FCHSD2: variants seen among roughly 807,000 people sequenced by gnomAD.
FCHSD2 encodes the protein FCH and double SH3 domains 2.
FCHSD2 carries 38 observed loss-of-function variants against 108.1 expected under a neutral mutation model. That is an observed-to-expected ratio of 0.35 (90% CI 0.27 to 0.46). FCHSD2 has a LOEUF of 0.46. FCHSD2 is among the 20% of genes least tolerant of loss of function. The probability of loss-of-function intolerance (pLI) is 1.00; values close to 1 mark genes in which losing one functional copy is unlikely to be tolerated. For synonymous variants in FCHSD2, 279 were observed against 314.7 expected, an observed-to-expected ratio of 0.89 and a Z score of 1.20; for missense variants, 751 against 897.8, an observed-to-expected ratio of 0.84 and a Z score of 2.09.
At chr11:72,990,851 C>T (rs1385754074) in intron 5 of FCHSD2, among the ~76,000 whole-genome samples, 1 of 152,110 alleles carries the variant, frequency 6.6e-6, no homozygotes, top group African/African-American at 2.4e-5. Context: ...CAAGAAATAA[C>T]TAAGACCAGA....
At chr11:73,102,616 T>C (rs897337019) in intron 2 of FCHSD2, among the ~76,000 whole-genome samples, 1 of 152,226 alleles carries the variant, frequency 6.6e-6, no homozygotes, top group South Asian at 2.1e-4. Context: ...CTGAGACTTT[T>C]AAGAGATGAT....
At chr11:72,928,600 CTT>C (rs1856124878) in intron 8 of FCHSD2, among the ~76,000 whole-genome samples, 1 of 152,198 alleles carries the variant, frequency 6.6e-6, no homozygotes, top group African/African-American at 2.4e-5. Context: ...TCAACTAGCT[CTT>C]CCTTAGCGTT....
At chr11:72,989,793 T>C (rs770635912) in intron 5 of FCHSD2, among the ~76,000 whole-genome samples, 2 of 152,216 alleles carry the variant, frequency 1.3e-5, no homozygotes, top group African/African-American at 2.4e-5. Context: ...TTGACCCCAC[T>C]TTGAAACAAA....
intron 14 of FCHSD2, among the ~76,000 whole-genome samples, chr11:72,844,162 A>G (rs1215069106): frequency 6.6e-6 from 1 of 152,196 alleles, no homozygotes; most frequent in East Asian, 1.9e-4. Context: ...TGTGGGATGG[A>G]TAAGCACAGA....
intron 9 of FCHSD2, among the ~76,000 whole-genome samples, chr11:72,915,247 C>T (rs1236637121): frequency 2.0e-5 from 3 of 151,922 alleles, no homozygotes; most frequent in Non-Finnish European, 2.9e-5. Context: ...AAAAAAACAA[C>T]GGATGCTGGC....
chr11:72,935,033 C>G (rs1195210541), intron 8 of FCHSD2, among the ~76,000 whole-genome samples: 6 of 152,046 alleles, frequency 3.9e-5, no homozygotes, highest in Non-Finnish European at 8.8e-5. Context: ...ATTTTATCTA[C>G]TTGATCCTTA....
intron 5 of FCHSD2, among the ~76,000 whole-genome samples, chr11:72,994,878 T>C (rs1857492285): frequency 6.6e-6 from 1 of 152,204 alleles, no homozygotes; most frequent in Non-Finnish European, 1.5e-5. Flanking sequence ...ATTCACCTTT[T>C]TAAAGTATAC....
intron 2 of FCHSD2, among the ~76,000 whole-genome samples, chr11:73,089,326 C>T (rs532015360): frequency 6.6e-6 from 1 of 152,212 alleles, no homozygotes; most frequent in East Asian, 1.9e-4. Context: ...ACTCTCATAG[C>T]GTTAGTGGAA....
chr11:73,134,200 G>A lies in FCHSD2; in HGVS notation c.119+5831C>T, dbSNP rs188275736. Among the ~76,000 whole-genome samples, 272 of 152,174 alleles carry A rather than the reference G, an allele frequency of 1.8e-3. 2 individuals are homozygous for A. The highest frequency in any genetic ancestry group is 3.2e-3 in the Non-Finnish European group (216 of 68,004). On this transcript the variant is annotated intron_variant, in intron 2 of 19. Coordinates refer to ENST00000409418, the MANE Select transcript of FCHSD2 (RefSeq NM_014824.3). ...AAAAAAAGTCTCAGCACCATGCACA[G>A]TGGCTCATGCCTGTAACCCCAACAC...
intron 19 of FCHSD2, among the ~76,000 whole-genome samples, chr11:72,840,420 G>A (rs1860883815): frequency 6.6e-6 from 1 of 152,214 alleles, no homozygotes; most frequent in African/African-American, 2.4e-5. Context: ...GCAGATGGCA[G>A]TAGAGTGAAG....
intron 8 of FCHSD2, among the ~76,000 whole-genome samples, chr11:72,972,407 G>A (rs1018588364): frequency 3.3e-5 from 5 of 152,140 alleles, no homozygotes; most frequent in African/African-American, 1.2e-4. Context: ...ATATTTCAAG[G>A]TGCCCTAGTA....
chr11:72,960,001 TATTA>T (rs1323943779), intron 8 of FCHSD2, among the ~76,000 whole-genome samples: 1 of 152,162 alleles, frequency 6.6e-6, no homozygotes, highest in Non-Finnish European at 1.5e-5. Context: ...TTCAAACACA[TATTA>T]ATATAGGGTA....
chr11:72,933,717 A>G (rs1474609484), intron 8 of FCHSD2, among the ~76,000 whole-genome samples: 1 of 152,246 alleles, frequency 6.6e-6, no homozygotes, highest in African/African-American at 2.4e-5. Context: ...TCAATTAAAC[A>G]GATCTCAAAG....
chr11:72,892,906 TAA>T (rs1855346737), intron 10 of FCHSD2, among the ~76,000 whole-genome samples: 2 of 2,990 alleles, frequency 6.7e-4, no homozygotes, highest in Non-Finnish European at 9.3e-4. Context: ...GCGTGGCTGG[TAA>T]TTTTTTTTTT....
At chr11:73,141,515 G>T (rs557942678) in intron 1 of FCHSD2, among the ~76,000 whole-genome samples, 140 of 152,376 alleles carry the variant, frequency 9.2e-4, no homozygotes, top group Non-Finnish European at 1.4e-3. Flanking sequence ...CTGCAAAGCT[G>T]CAGGGGCGTC....
intron 12 of FCHSD2, among the ~76,000 whole-genome samples, chr11:72,887,238 C>T (rs1160960240): frequency 6.6e-6 from 1 of 152,020 alleles, no homozygotes; most frequent in African/African-American, 2.4e-5. Context: ...TTCATTGTGA[C>T]TTAAATCTTT....
chr11:72,841,376 T>A (rs1405673884), intron 18 of FCHSD2, 78 bp downstream of exon 18: 2 of 1,412,038 alleles, frequency 1.4e-6, no homozygotes, highest in Non-Finnish European at 1.9e-6. Context: ...CAAATGCAGT[T>A]TTTTTTTGCC....
intron 8 of FCHSD2, among the ~76,000 whole-genome samples, chr11:72,955,523 G>A (rs1856696224): frequency 6.6e-6 from 1 of 152,168 alleles, no homozygotes; most frequent in Non-Finnish European, 1.5e-5. Flanking sequence ...CCTCTCTGAA[G>A]TAGGTGGGTG....
At chr11:72,922,548 A>T (rs1855995321) in intron 8 of FCHSD2, among the ~76,000 whole-genome samples, 3 of 152,260 alleles carry the variant, frequency 2.0e-5, no homozygotes. Flanking sequence ...ATAAAAAAAA[A>T]GGAGAGAAAA....
Sources: allele counts gnomAD v4.1 joint callset (sites outside exome capture counted in the v4.1 genomes callset), GRCh38; gene constraint gnomAD v4.1.1; transcripts MANE v1.5; gene names NCBI Gene and HGNC (gene_info 2026-07-23, HGNC 2026-07-21).